Variants in ESF1 observed in about 807,000 individuals in gnomAD.
ESF1 encodes the protein ESF1 nucleolar pre-rRNA processing protein, also known as ESF1 homolog.
ESF1 carries 58 observed loss-of-function variants against 92.0 expected under a neutral mutation model. That is an observed-to-expected ratio of 0.63 (90% CI 0.51 to 0.78). The LOEUF (loss-of-function observed/expected upper bound fraction) is 0.78. Among genes scored for constraint, ESF1 ranks in the 30% least tolerant of loss-of-function variants. ESF1 has a pLI of 0.00. For synonymous variants in ESF1, 321 were observed against 313.7 expected (o/e 1.02, Z -0.24); for missense variants, 922 against 989.1 (o/e 0.93, Z 0.91).
chr20:13,743,024 G>A (rs564184935), intron 9 of ESF1, among the ~76,000 whole-genome samples: 1 of 152,190 alleles, frequency 6.6e-6, no homozygotes, highest in South Asian at 2.1e-4. Context: ...CTATGTTGTA[G>A]CATGTATCAG....
intron 9 of ESF1, among the ~76,000 whole-genome samples, chr20:13,742,911 T>C (rs181972335): frequency 6.6e-6 from 1 of 152,320 alleles, no homozygotes; most frequent in African/African-American, 2.4e-5. Context: ...ACCACTAGCC[T>C]ACTTTCTGTC....
intron 9 of ESF1, among the ~76,000 whole-genome samples, chr20:13,739,905 G>A (rs1265699480): frequency 6.6e-6 from 1 of 152,052 alleles, no homozygotes; most frequent in East Asian, 1.9e-4. Flanking sequence ...TCCCAGCAGA[G>A]ACCACTACAT....
chr20:13,719,024 G>C, intron 11 of ESF1, 40 bp from the exon 12 acceptor site: 1 of 1,434,692 alleles, frequency 7.0e-7, no homozygotes, highest in Non-Finnish European at 9.5e-7. Context: ...AAAAATTACA[G>C]GACTATCAGC....
chr20:13,723,514 T>TTTTTTTTTTTTTTTTTTGAG (rs1555820834), intron 11 of ESF1, among the ~76,000 whole-genome samples: 2 of 150,100 alleles, frequency 1.3e-5, no homozygotes, highest in African/African-American at 4.9e-5. Context: ...ATGATATTTT[T>TTTTTTTTTTTTTTTTTTGAG]AAAACTCTCA....
Position 13,769,231 on chromosome 20 carries a change from G to C in ESF1, c.1518+676C>G, listed in dbSNP as rs1979571083. Among the ~76,000 whole-genome samples, 4 of 152,210 alleles carry C rather than the reference G, an allele frequency of 2.6e-5. No homozygotes were observed. The South Asian group carries it at 6.2e-4, about 24-fold the overall frequency. ...ATTTTCCCTAGTTTCATTTAACTGT[G>C]CGGGGAGGTAATTTATTATCCACTT... On this transcript the variant is annotated intron_variant, in intron 7 of 13. Coordinates refer to ENST00000617257, the MANE Select transcript of ESF1 (RefSeq NM_001276380.2).
At chr20:13,769,514 AG>A (rs1979583099) in intron 7 of ESF1, among the ~76,000 whole-genome samples, 1 of 152,216 alleles carries the variant, frequency 6.6e-6, no homozygotes. Flanking sequence ...GGCTGGGAGC[AG>A]TGGCTCACGA....
At chr20:13,776,617 T>C (rs1191671219) in intron 2 of ESF1, among the ~76,000 whole-genome samples, 2 of 152,174 alleles carry the variant, frequency 1.3e-5, no homozygotes, top group African/African-American at 2.4e-5. Flanking sequence ...AAGCAAACAG[T>C]GCTCTCAGTG....
At chr20:13,726,129 T>G (rs2049899162) in intron 11 of ESF1, among the ~76,000 whole-genome samples, 1 of 152,172 alleles carries the variant, frequency 6.6e-6, no homozygotes, top group Non-Finnish European at 1.5e-5. Flanking sequence ...GGCAAAAGTC[T>G]GGTCTTCCAG....
chr20:13,754,356 C>T (rs751553510), intron 9 of ESF1, among the ~76,000 whole-genome samples: 2 of 152,200 alleles, frequency 1.3e-5, no homozygotes, highest in Admixed American at 1.3e-4. Context: ...AGGCTCATGT[C>T]CTCTACCTCT....
At chr20:13,763,991 G>T (rs1240699308) in intron 8 of ESF1, among the ~76,000 whole-genome samples, 1 of 152,134 alleles carries the variant, frequency 6.6e-6, no homozygotes, top group Non-Finnish European at 1.5e-5. Context: ...AAGAAACAAT[G>T]ATAGGCCAAT....
At chr20:13,750,919 T>C (rs1480111686) in intron 9 of ESF1, among the ~76,000 whole-genome samples, 1 of 152,100 alleles carries the variant, frequency 6.6e-6, no homozygotes, top group African/African-American at 2.4e-5. Context: ...GAATGAGTCA[T>C]GATCGAACCA....
At chr20:13,776,373 T>A (rs1199479067) in intron 2 of ESF1, 103 bp from the exon 3 acceptor site, 1 of 1,118,610 alleles carries the variant, frequency 8.9e-7, no homozygotes, top group African/African-American at 1.6e-5. Flanking sequence ...ATAATTTCTA[T>A]GAAACACAGT....
At chr20:13,754,157 T>C (rs1235384161) in intron 9 of ESF1, among the ~76,000 whole-genome samples, 1 of 152,198 alleles carries the variant, frequency 6.6e-6, no homozygotes. Context: ...TCATCCCCCA[T>C]CATCCCACAA....
chr20:13,752,241 A>T (rs1426171398), intron 9 of ESF1, among the ~76,000 whole-genome samples: 1 of 152,174 alleles, frequency 6.6e-6, no homozygotes, highest in Non-Finnish European at 1.5e-5. Flanking sequence ...CCTCATAGTC[A>T]ACCTGTTAAC....
intron 12 of ESF1, among the ~76,000 whole-genome samples, chr20:13,718,238 C>A (rs2031934): frequency 0.1 from 15,931 of 152,180 alleles, 892 homozygotes; most frequent in Non-Finnish European, 0.13. Context: ...TTTTCAGAGA[C>A]ATTTTCCATA....
chr20:13,751,564 G>GTA (rs1978634842), intron 9 of ESF1, among the ~76,000 whole-genome samples: 3 of 152,100 alleles, frequency 2.0e-5, no homozygotes, highest in African/African-American at 7.2e-5. Flanking sequence ...GGAATCCTGT[G>GTA]CAGGGATGTG....
At chr20:13,773,235 A>G (rs1021814590) in intron 4 of ESF1, among the ~76,000 whole-genome samples, 8 of 152,216 alleles carry the variant, frequency 5.3e-5, no homozygotes, top group African/African-American at 1.9e-4. Flanking sequence ...TACTAGGCTT[A>G]ATATACATTT....
At chr20:13,717,149 G>C (rs1421335959) in intron 13 of ESF1, among the ~76,000 whole-genome samples, 1 of 151,746 alleles carries the variant, frequency 6.6e-6, no homozygotes, top group Non-Finnish European at 1.5e-5. Context: ...TAGAGATGAG[G>C]GTCCCACTAT....
chr20:13,777,528 T>C (rs1418284958), intron 2 of ESF1, among the ~76,000 whole-genome samples: 4 of 152,220 alleles, frequency 2.6e-5, no homozygotes, highest in Admixed American at 1.3e-4. Flanking sequence ...GACTCATTCA[T>C]ACGCAGTTGA....
Sources: allele counts gnomAD v4.1 joint callset (sites outside exome capture counted in the v4.1 genomes callset), GRCh38; gene constraint gnomAD v4.1.1; transcripts MANE v1.5; gene names NCBI Gene and HGNC (gene_info 2026-07-23, HGNC 2026-07-21).